The following SHISA6 variants were observed in gnomAD, a reference collection of about 807,000 sequenced individuals.
SHISA6 encodes protein shisa-6.
Under a neutral mutation model 47.9 loss-of-function variants are expected in SHISA6, and 22 were observed. The ratio of observed to expected loss-of-function variants is 0.46; its 90% confidence interval spans 0.33 to 0.66. SHISA6 has a LOEUF of 0.66. Ranked by LOEUF, SHISA6 falls within the 30% of genes least tolerant of loss-of-function variation. SHISA6 has a pLI of 0.02. For missense variants in SHISA6, 680 were observed against 764.6 expected (o/e 0.89, Z 1.30); for synonymous variants, 388 against 337.8 (o/e 1.15, Z -1.63).
At chr17:11,271,320 G>A (rs1908644702) in intron 2 of SHISA6, among the ~76,000 whole-genome samples, 1 of 152,148 alleles carries the variant, frequency 6.6e-6, no homozygotes, top group South Asian at 2.1e-4. Context: ...TGAAAGCATG[G>A]TTATTAAATT....
chr17:11,413,014 G>T (rs117584113), intron 3 of SHISA6, among the ~76,000 whole-genome samples: 8 of 152,220 alleles, frequency 5.3e-5, no homozygotes, highest in African/African-American at 1.9e-4. Flanking sequence ...GGGGATTACT[G>T]GGGGAAAGGC....
At chr17:11,419,441 G>A (rs1330656744) in intron 3 of SHISA6, among the ~76,000 whole-genome samples, 1 of 152,146 alleles carries the variant, frequency 6.6e-6, no homozygotes, top group Non-Finnish European at 1.5e-5. Context: ...AATTTGGAGG[G>A]TGTTGGGGTA....
At chr17:11,527,261 A>G (rs2071694935) in intron 3 of SHISA6, among the ~76,000 whole-genome samples, 1 of 152,168 alleles carries the variant, frequency 6.6e-6, no homozygotes, top group South Asian at 2.1e-4. Flanking sequence ...CCCCGTGAGG[A>G]GAACCATTAA....
intron 3 of SHISA6, among the ~76,000 whole-genome samples, chr17:11,444,943 T>C (rs911030275): frequency 3.3e-5 from 5 of 152,330 alleles, no homozygotes; most frequent in African/African-American, 1.2e-4. Flanking sequence ...TGATGCTAAA[T>C]TCTAAAATAA....
intron 1 of SHISA6, among the ~76,000 whole-genome samples, chr17:11,257,052 C>T (rs1348644622): frequency 1.3e-5 from 2 of 152,204 alleles, no homozygotes; most frequent in African/African-American, 4.8e-5. Flanking sequence ...TGCAGAACAG[C>T]TCAATGCAGA....
intron 2 of SHISA6, among the ~76,000 whole-genome samples, chr17:11,265,825 A>G (rs1908405086): frequency 6.6e-6 from 1 of 152,138 alleles, no homozygotes; most frequent in Non-Finnish European, 1.5e-5. Flanking sequence ...AATACCCTTC[A>G]CAGGGCAGGA....
At chr17:11,326,269 A>C (rs1910889074) in intron 2 of SHISA6, among the ~76,000 whole-genome samples, 1 of 122,762 alleles carries the variant, frequency 8.1e-6, no homozygotes, top group Admixed American at 8.3e-5. Flanking sequence ...AGACTCCATC[A>C]AAAAAAAAAA....
chr17:11,448,622 T>C (rs1015004754), intron 3 of SHISA6, among the ~76,000 whole-genome samples: 2 of 150,616 alleles, frequency 1.3e-5, no homozygotes, highest in African/African-American at 4.9e-5. Flanking sequence ...AGGTCAGGAG[T>C]TGAAGACCAG....
At position 11,245,573 on chromosome 17, in the gene SHISA6, T is replaced by A. The variant is rs553671633; in HGVS notation, c.638+3513T>A. 2.6e-5 allele frequency among the ~76,000 whole-genome samples: 4 copies of A among 152,268 alleles called. No individual in the cohort carries two copies. In the South Asian group the frequency reaches 6.2e-4, roughly 24 times the overall value. On this transcript the variant is annotated intron_variant, in intron 1 of 5. Coordinates refer to ENST00000441885, the MANE Select transcript of SHISA6 (RefSeq NM_207386.4). The stretch of plus-strand genomic sequence containing the variant: ...CTCACCCTGAGTTGATTCATTAGTG[T>A]CTTGGAGATGAGAATCATTCTGAGG...
At chr17:11,361,951 G>A (rs879262184) in intron 2 of SHISA6, among the ~76,000 whole-genome samples, 5 of 152,134 alleles carry the variant, frequency 3.3e-5, no homozygotes, top group African/African-American at 4.8e-5. Context: ...AGATTCAGGG[G>A]ACCTTTTTCC....
chr17:11,263,544 A>G lies in SHISA6; in HGVS notation c.799+18A>G, dbSNP rs1443979494. 3 of 1,551,140 alleles carry G rather than the reference A, an allele frequency of 1.9e-6. No individual in the cohort carries two copies. The highest frequency in any genetic ancestry group is 2.6e-6 in the Non-Finnish European group (3 of 1,146,668). ...GACTCCAGGTAAGTAACAGCTGGGCACCTTGATTCTTTGCTGAGGCTGGTG... is the reference window on the plus strand; with the variant it reads ...GACTCCAGGTAAGTAACAGCTGGGCGCCTTGATTCTTTGCTGAGGCTGGTG... On this transcript the variant is annotated intron_variant, in intron 2 of 5. Transcript: ENST00000441885.
intron 2 of SHISA6, among the ~76,000 whole-genome samples, chr17:11,348,242 A>T (rs1455627306): frequency 1.3e-5 from 2 of 152,122 alleles, no homozygotes; most frequent in African/African-American, 4.8e-5. Context: ...TATTTATGGG[A>T]CCAAAAAGAG....
chr17:11,439,891 A>G (rs2908951), intron 3 of SHISA6, among the ~76,000 whole-genome samples: 122,328 of 151,992 alleles, frequency 0.8, 49,766 homozygotes, highest in African/African-American at 0.91. Context: ...TCCCTTTATT[A>G]AGAAGAGAGG....
intron 3 of SHISA6, among the ~76,000 whole-genome samples, chr17:11,480,114 C>T (rs967683845): frequency 2.6e-5 from 4 of 152,154 alleles, no homozygotes; most frequent in South Asian, 4.1e-4. Flanking sequence ...TTTCACTTCA[C>T]GCTCTTCTTG....
intron 3 of SHISA6, among the ~76,000 whole-genome samples, chr17:11,406,022 T>C (rs988707689): frequency 3.3e-5 from 5 of 152,144 alleles, no homozygotes; most frequent in Admixed American, 2.6e-4. Flanking sequence ...TTGAAACACA[T>C]CCCTTTCTAG....
At chr17:11,242,168 C>T (rs1567696960) in intron 1 of SHISA6, 108 bp downstream of exon 1, 1 of 1,397,842 alleles carries the variant, frequency 7.2e-7, no homozygotes, top group Non-Finnish European at 9.7e-7. Flanking sequence ...CCCAGGCCCT[C>T]TAGTCATTTC....
Position 11,274,407 on chromosome 17 carries a change from A to G in SHISA6, c.799+10881A>G, listed in dbSNP as rs575918075. Among the ~76,000 whole-genome samples, 8 of 152,344 alleles carry G rather than the reference A, an allele frequency of 5.3e-5. No homozygotes were observed. The South Asian group carries it at 1.7e-3, about 32-fold the overall frequency. ...ATGAGTTGGCAAAACGAAGGAAGCA[A>G]CAGAGCGCGGTGCAGTGACAGGAGC... is the stretch of plus-strand genomic sequence containing the variant. On this transcript the variant is annotated intron_variant, in intron 2 of 5. Transcript: ENST00000441885.
chr17:11,560,299 G>A lies in SHISA6; in HGVS notation c.*1995G>A, dbSNP rs940132945. 6.6e-6 allele frequency: 1 copy of A among 152,466 alleles called. No homozygotes were observed. Among genetic ancestry groups the A allele is most frequent in the African/African-American group, 2.4e-5 (1 of 41,466 alleles). The allele number at this position is 152,466 out of a possible 1,614,324, so 9.4% of individuals were successfully genotyped here. A position where few individuals can be genotyped will look rare whatever the true frequency, so the allele number is the denominator to read the frequency against. On this transcript the variant is annotated 3_prime_UTR_variant, in exon 6 of 6. Transcript: ENST00000441885. ...GAAAGCCACTGTCAGACCCCACACTGGGGATGCATTCCTGGAGTCGTGCGG... is the reference window on the plus strand; with the variant it reads ...GAAAGCCACTGTCAGACCCCACACTAGGGATGCATTCCTGGAGTCGTGCGG...
chr17:11,521,263 T>C (rs937599307), intron 3 of SHISA6, among the ~76,000 whole-genome samples: 2 of 152,214 alleles, frequency 1.3e-5, no homozygotes, highest in African/African-American at 4.8e-5. Flanking sequence ...TAAATATATA[T>C]TTTGCAATTA....
Sources: gnomAD v4.1 joint callset for allele counts (sites outside exome capture counted in the v4.1 genomes callset) on GRCh38, gnomAD v4.1.1 for gene constraint, MANE v1.5 for transcripts, NCBI Gene and HGNC (gene_info 2026-07-23, HGNC 2026-07-21) for gene names.